SEMA5A: variants seen among roughly 807,000 people sequenced by gnomAD.
SEMA5A encodes the protein semaphorin-5A.
A neutral mutation model predicts 135.5 loss-of-function variants in SEMA5A; 55 were observed. That is an observed-to-expected ratio of 0.41 (90% confidence interval 0.33 to 0.51). The LOEUF (loss-of-function observed/expected upper bound fraction) is 0.51. Ranked by LOEUF, SEMA5A falls within the 20% of genes least tolerant of loss-of-function variation. The probability of loss-of-function intolerance (pLI) is 0.37; values close to 1 mark genes in which losing one functional copy is unlikely to be tolerated. For synonymous variants in SEMA5A, 580 were observed against 546.5 expected (o/e 1.06, Z -0.85); for missense variants, 1,290 against 1,419.9 (o/e 0.91, Z 1.47).
intron 16 of SEMA5A, among the ~76,000 whole-genome samples, chr5:9,068,716 T>C (rs1229057842): frequency 6.6e-6 from 1 of 152,148 alleles, no homozygotes; most frequent in Non-Finnish European, 1.5e-5. Flanking sequence ...GGGCTGTGGA[T>C]TCCTAAGCTC....
At chr5:9,411,191 C>T (rs1757094883) in intron 2 of SEMA5A, among the ~76,000 whole-genome samples, 1 of 152,162 alleles carries the variant, frequency 6.6e-6, no homozygotes, top group Non-Finnish European at 1.5e-5. Flanking sequence ...ACGTCTTTAG[C>T]ATGTTCTTTG....
chr5:9,523,704 C>T (rs186412705), intron 1 of SEMA5A, among the ~76,000 whole-genome samples: 2 of 152,244 alleles, frequency 1.3e-5, no homozygotes, highest in African/African-American at 2.4e-5. Context: ...TTCTTAAAAG[C>T]ATGCAAAAAC....
chr5:9,089,211 A>C (rs558602956), intron 16 of SEMA5A, among the ~76,000 whole-genome samples: 15 of 152,290 alleles, frequency 9.8e-5, no homozygotes, highest in Non-Finnish European at 1.8e-4. Context: ...ACCTCACAGC[A>C]CTTCTTCTGT....
chr5:9,316,964 C>T (rs1381419269), intron 5 of SEMA5A, among the ~76,000 whole-genome samples: 2 of 152,110 alleles, frequency 1.3e-5, no homozygotes, highest in East Asian at 1.9e-4. Flanking sequence ...CCTTCCCTGA[C>T]CTTCTGGGCC....
chr5:9,093,403 G>C (rs1739140893), intron 16 of SEMA5A, among the ~76,000 whole-genome samples: 1 of 152,146 alleles, frequency 6.6e-6, no homozygotes, highest in Non-Finnish European at 1.5e-5. Flanking sequence ...ATGCAACTGT[G>C]ACAGCAAGCT....
intron 5 of SEMA5A, among the ~76,000 whole-genome samples, chr5:9,318,066 A>G (rs146642589): frequency 5.0e-4 from 76 of 152,300 alleles, no homozygotes; most frequent in African/African-American, 1.7e-3. Context: ...ACTGTGGGGG[A>G]AGGAATGTGT....
At chr5:9,432,955 A>G (rs1757908238) in intron 2 of SEMA5A, among the ~76,000 whole-genome samples, 1 of 152,198 alleles carries the variant, frequency 6.6e-6, no homozygotes, top group African/African-American at 2.4e-5. Context: ...AGGTTATATA[A>G]AATCTTAAAA....
intron 21 of SEMA5A, among the ~76,000 whole-genome samples, chr5:9,047,101 C>CTA (rs1736304112): frequency 6.6e-6 from 1 of 152,170 alleles, no homozygotes; most frequent in Non-Finnish European, 1.5e-5. Flanking sequence ...AACAATGACG[C>CTA]TATACTTAGA....
chr5:9,224,405 T>TGA (rs1561042575), intron 8 of SEMA5A, among the ~76,000 whole-genome samples: 14 of 150,438 alleles, frequency 9.3e-5, no homozygotes, highest in Non-Finnish European at 3.0e-5. Flanking sequence ...AACAACAATA[T>TGA]AAAAAAAAAC....
chr5:9,097,472 G>T (rs912140546), intron 16 of SEMA5A, among the ~76,000 whole-genome samples: 1 of 152,198 alleles, frequency 6.6e-6, no homozygotes, highest in Non-Finnish European at 1.5e-5. Context: ...CTTTTGAGCA[G>T]ATGTATGTCT....
intron 4 of SEMA5A, among the ~76,000 whole-genome samples, chr5:9,329,105 C>T (rs1410720526): frequency 6.6e-6 from 1 of 152,152 alleles, no homozygotes; most frequent in Admixed American, 6.5e-5. Flanking sequence ...CTCTCAGGCC[C>T]CGTTGGAGGA....
At chr5:9,116,924 C>T (rs995341680) in intron 15 of SEMA5A, among the ~76,000 whole-genome samples, 6 of 152,102 alleles carry the variant, frequency 3.9e-5, no homozygotes, top group Non-Finnish European at 7.4e-5. Context: ...ACTTTAGGTA[C>T]TTGGTTTTTC....
chr5:9,441,452 G>A (rs542607841), intron 1 of SEMA5A, among the ~76,000 whole-genome samples: 2 of 152,132 alleles, frequency 1.3e-5, no homozygotes, highest in East Asian at 1.9e-4. Flanking sequence ...CAGCACCATG[G>A]TGAGTTAAAG....
chr5:9,407,319 G>GTAAGTATTACTGTAT (rs1756926321), intron 2 of SEMA5A, among the ~76,000 whole-genome samples: 1 of 152,076 alleles, frequency 6.6e-6, no homozygotes, highest in African/African-American at 2.4e-5. Context: ...GTGCTAATAC[G>GTAAGTATTACTGTAT]ATCTTACAGA....
chr5:9,441,525 A>G (rs1758232974), intron 1 of SEMA5A, among the ~76,000 whole-genome samples: 1 of 152,170 alleles, frequency 6.6e-6, no homozygotes, highest in African/African-American at 2.4e-5. Context: ...CCACCAAGAT[A>G]AGAGTTTGCA....
chr5:9,231,624 A>G (rs1405950419), intron 6 of SEMA5A, among the ~76,000 whole-genome samples: 3 of 152,118 alleles, frequency 2.0e-5, no homozygotes, highest in Non-Finnish European at 4.4e-5. Context: ...TGGCCTTTCC[A>G]TGGGTTACCT....
chr5:9,055,212 A>G (rs78273468), intron 18 of SEMA5A, among the ~76,000 whole-genome samples: 1 of 152,216 alleles, frequency 6.6e-6, no homozygotes, highest in Non-Finnish European at 1.5e-5. Context: ...TATGATTTTC[A>G]GTTTAGCTAA....
intron 8 of SEMA5A, among the ~76,000 whole-genome samples, chr5:9,202,451 C>T (rs1745770547): frequency 6.6e-6 from 1 of 152,184 alleles, no homozygotes; most frequent in Non-Finnish European, 1.5e-5. Flanking sequence ...TGGGAAGTCA[C>T]TGGTATGATT....
chr5:9,298,645 G>T (rs1229506058), intron 5 of SEMA5A, among the ~76,000 whole-genome samples: 1 of 152,034 alleles, frequency 6.6e-6, no homozygotes, highest in East Asian at 1.9e-4. Flanking sequence ...GTACTGATTG[G>T]TTCAATTGTT....
Sources: gnomAD v4.1 joint callset for allele counts (sites outside exome capture counted in the v4.1 genomes callset) on GRCh38, gnomAD v4.1.1 for gene constraint, MANE v1.5 for transcripts, NCBI Gene and HGNC (gene_info 2026-07-23, HGNC 2026-07-21) for gene names.